The following SORCS2 variants were observed in gnomAD, a reference collection of about 807,000 sequenced individuals.
SORCS2 encodes sortilin related VPS10 domain containing receptor 2, also known as VPS10 domain-containing receptor SorCS2.
Under a neutral mutation model 141.6 loss-of-function variants are expected in SORCS2, and 100 were observed. That is an observed-to-expected ratio of 0.71 (90% CI 0.60 to 0.83). The LOEUF (loss-of-function observed/expected upper bound fraction) is 0.83, where lower values mean the gene tolerates loss of function less well. Ranked by LOEUF, SORCS2 falls within the 40% of genes least tolerant of loss-of-function variation. The pLI is 0.00. For synonymous variants in SORCS2, 789 were observed against 676.9 expected, an observed-to-expected ratio of 1.17 and a Z score of -2.57; for missense variants, 1,646 against 1,560.2, an observed-to-expected ratio of 1.05 and a Z score of -0.93.
At chr4:7,550,457 C>T (rs533595613) in intron 3 of SORCS2, among the ~76,000 whole-genome samples, 6 of 152,206 alleles carry the variant, frequency 3.9e-5, no homozygotes, top group African/African-American at 9.7e-5. Flanking sequence ...GGCAGCCAGG[C>T]GGCTTTGGTG....
At chr4:7,654,405 C>T (rs575128176) in intron 5 of SORCS2, among the ~76,000 whole-genome samples, 198 bp downstream of exon 5, 120 of 152,338 alleles carry the variant, frequency 7.9e-4, no homozygotes, top group African/African-American at 2.8e-3. Flanking sequence ...CGCAGTCGTT[C>T]TTCCTGCTCC....
chr4:7,345,376 C>T (rs2108996417), intron 1 of SORCS2, among the ~76,000 whole-genome samples: 1 of 152,316 alleles, frequency 6.6e-6, no homozygotes, highest in South Asian at 2.1e-4. Context: ...TAGAATCCTT[C>T]ATGCTGTTGT....
chr4:7,256,725 C>T (rs1378542416), intron 1 of SORCS2, among the ~76,000 whole-genome samples: 1 of 146,090 alleles, frequency 6.8e-6, no homozygotes, highest in East Asian at 2.0e-4. Context: ...TCAGCTGCGT[C>T]TCGCATGATG....
rs374448911 is a variant in SORCS2 at position 7,591,755 on chromosome 4, G to A, written c.649-46573G>A. On this transcript the variant is annotated intron_variant, in intron 3 of 26. Transcript: ENST00000507866. ...GAGCTTTCTAAAGCGCCCCACGGCA[G>A]TGATGAATCCCGGCAGAGGCCTCTG... Among the ~76,000 whole-genome samples the A allele has an allele frequency of 5.9e-5, 9 of 152,360 alleles. No individual in the cohort carries two copies. In the South Asian group the frequency reaches 1.9e-3, roughly 32 times the overall value.
At chr4:7,459,062 C>T (rs4380522) in intron 2 of SORCS2, among the ~76,000 whole-genome samples, 71,558 of 151,822 alleles carry the variant, frequency 0.47, 17,982 homozygotes, top group Middle Eastern at 0.58. Context: ...ACGTCCTCCC[C>T]GATATTGCTC....
intron 1 of SORCS2, chr4:7,382,123 G>A (rs4466043): frequency 0.17 from 57,925 of 347,592 alleles, 5,661 homozygotes; most frequent in East Asian, 0.57. Flanking sequence ...TGCTGCTGGT[G>A]GAGCGGGGAG....
At chr4:7,446,515 G>A (rs967057325) in intron 2 of SORCS2, among the ~76,000 whole-genome samples, 1 of 152,208 alleles carries the variant, frequency 6.6e-6, no homozygotes, top group African/African-American at 2.4e-5. Flanking sequence ...CAACTCAGAT[G>A]CCTGGGACAC....
chr4:7,339,134 A>G (rs569969123), intron 1 of SORCS2, among the ~76,000 whole-genome samples: 105 of 152,252 alleles, frequency 6.9e-4, no homozygotes, highest in African/African-American at 2.5e-3. Context: ...GAGGGTGGGG[A>G]CAGGAGGGCT....
intron 1 of SORCS2, among the ~76,000 whole-genome samples, chr4:7,195,929 T>G (rs1414285708): frequency 6.6e-6 from 1 of 152,222 alleles, no homozygotes; most frequent in Non-Finnish European, 1.5e-5. Flanking sequence ...GAGAGCGTGT[T>G]TACTTTACCA....
At chr4:7,431,655 C>T (rs1726869964) in intron 2 of SORCS2, 1 of 152,302 alleles carries the variant, frequency 6.6e-6, no homozygotes, top group Non-Finnish European at 1.5e-5. Context: ...CTTCCCATGG[C>T]CCATCCGGTG....
chr4:7,391,894 G>T (rs938910824), intron 1 of SORCS2, among the ~76,000 whole-genome samples: 1 of 152,164 alleles, frequency 6.6e-6, no homozygotes, highest in African/African-American at 2.4e-5. Context: ...TAAAATCGGG[G>T]TGCCCTGCAG....
intron 1 of SORCS2, among the ~76,000 whole-genome samples, chr4:7,308,740 T>G (rs1240326710): frequency 1.3e-4 from 20 of 151,522 alleles, no homozygotes; most frequent in African/African-American, 4.6e-4. Flanking sequence ...CTGTCCTCTC[T>G]CTCCAGCACC....
At chr4:7,685,861 G>A (rs16840826) in intron 10 of SORCS2, among the ~76,000 whole-genome samples, 6,310 of 152,170 alleles carry the variant, frequency 0.041, 206 homozygotes, top group East Asian at 0.15. Context: ...TGGGCAAACT[G>A]TACCTGAGGA....
At chr4:7,208,534 C>T (rs1727874964) in intron 1 of SORCS2, among the ~76,000 whole-genome samples, 1 of 152,322 alleles carries the variant, frequency 6.6e-6, no homozygotes. Flanking sequence ...CCTTTGTACA[C>T]CCCGGCAGCC....
chr4:7,535,476 A>G lies in SORCS2; in HGVS notation c.648+3847A>G, dbSNP rs529758383. Among the ~76,000 whole-genome samples, 3 of 152,290 alleles carry G rather than the reference A, an allele frequency of 2.0e-5. No individual in the cohort carries two copies. The East Asian group carries it at 5.8e-4, about 29-fold the overall frequency. ...GTAGCCTACCCGCTCTGAGACCTTG[A>G]GCAAGTGTGAACCGCCCTTGTTCTG... On this transcript the variant is annotated intron_variant, in intron 3 of 26. Coordinates refer to ENST00000507866, the MANE Select transcript of SORCS2 (RefSeq NM_020777.3).
intron 1 of SORCS2, among the ~76,000 whole-genome samples, chr4:7,321,591 G>A (rs549403825): frequency 6.6e-6 from 1 of 152,184 alleles, no homozygotes; most frequent in Non-Finnish European, 1.5e-5. Flanking sequence ...CATCTCACAG[G>A]GGGGCGGACA....
intron 2 of SORCS2, among the ~76,000 whole-genome samples, chr4:7,436,952 C>T (rs967311493): frequency 3.3e-5 from 5 of 152,092 alleles, no homozygotes; most frequent in Admixed American, 3.3e-4. Context: ...TGGTTGTGCC[C>T]GTTCCCACTC....
At chr4:7,564,903 A>G (rs1416389508) in intron 3 of SORCS2, among the ~76,000 whole-genome samples, 1 of 152,224 alleles carries the variant, frequency 6.6e-6, no homozygotes, top group Admixed American at 6.5e-5. Flanking sequence ...TACCTGTATC[A>G]ACAGGCTTAC....
At chr4:7,251,796 C>T (rs187757744) in intron 1 of SORCS2, among the ~76,000 whole-genome samples, 17 of 152,060 alleles carry the variant, frequency 1.1e-4, no homozygotes, top group African/African-American at 2.4e-4. Context: ...TCTTGTTGGT[C>T]GCAGCTGGAT....
Sources: allele counts gnomAD v4.1 joint callset (sites outside exome capture counted in the v4.1 genomes callset), GRCh38; gene constraint gnomAD v4.1.1; transcripts MANE v1.5; gene names NCBI Gene and HGNC (gene_info 2026-07-23, HGNC 2026-07-21).